PPP1R7: variants seen among roughly 807,000 people sequenced by gnomAD.
PPP1R7 encodes the protein protein phosphatase 1 regulatory subunit 7, also known as protein phosphatase 1 regulatory subunit 22.
A neutral mutation model predicts 45.2 loss-of-function variants in PPP1R7; 18 were observed. The ratio of observed to expected loss-of-function variants is 0.40; its 90% CI spans 0.28 to 0.59. The LOEUF is 0.59. PPP1R7 is among the 20% of genes least tolerant of loss of function. The pLI is 0.46. For synonymous variants in PPP1R7, 181 were observed against 183.4 expected, an observed-to-expected ratio of 0.99 and a Z score of 0.11; for missense variants, 314 against 455.8, an observed-to-expected ratio of 0.69 and a Z score of 2.83.
intron 8 of PPP1R7, among the ~76,000 whole-genome samples, chr2:241,168,364 A>C (rs112993682): frequency 0.017 from 2,530 of 152,074 alleles, 76 homozygotes; most frequent in African/African-American, 0.057. Flanking sequence ...GTTCCAGGCC[A>C]CTTTCATTTT....
chr2:241,167,196 T>G (rs958881141), intron 8 of PPP1R7: 1 of 934,692 alleles, frequency 1.1e-6, no homozygotes. Flanking sequence ...TTTTTCTGTT[T>G]TGTTAAATTG....
chr2:241,181,023 A>AC (rs1474179287), intron 9 of PPP1R7, among the ~76,000 whole-genome samples: 14 of 152,200 alleles, frequency 9.2e-5, no homozygotes, highest in Non-Finnish European at 1.6e-4. Flanking sequence ...ACGTGGTGAA[A>AC]CCCCATCTCT....
intron 9 of PPP1R7, among the ~76,000 whole-genome samples, chr2:241,171,753 C>T (rs2067820875): frequency 6.6e-6 from 1 of 152,122 alleles, no homozygotes; most frequent in African/African-American, 2.4e-5. Flanking sequence ...TTGAGGAATT[C>T]TTGATGAATT....
At chr2:241,182,572 T>G (rs545994491) in intron 9 of PPP1R7, 75 bp from the exon 10 acceptor site, 830 of 1,550,906 alleles carry the variant, frequency 5.4e-4, no homozygotes, top group Non-Finnish European at 6.9e-4. Context: ...AGGAGGAGGG[T>G]GGCTAGTGGA....
intron 9 of PPP1R7, among the ~76,000 whole-genome samples, chr2:241,179,117 A>G (rs181737403): frequency 2.0e-5 from 3 of 152,288 alleles, no homozygotes; most frequent in Admixed American, 1.3e-4. Flanking sequence ...CCAAAAACCA[A>G]AAGAGTCTGC....
rs1052328510 is a variant in PPP1R7 at position 241,159,081 on chromosome 2, C to T, written c.304-132C>T. 5.1e-6 allele frequency: 6 copies of T among 1,175,264 alleles called. No individual in the cohort carries two copies. In the Admixed American group the frequency reaches 1.1e-4, roughly 21 times the overall value. The allele number at this position is 1,175,264 out of a possible 1,614,324, so 72.8% of individuals were successfully genotyped here. ...CTGCCTCTCAAAGGTCAGCACCTTT[C>T]TAGGAAACAGCAGGAGAATGAAGAC... On this transcript the variant is annotated intron_variant, in intron 4 of 9. Transcript: ENST00000234038.
rs2068045310 is a variant in PPP1R7 at position 241,183,471 on chromosome 2, G to C, written c.*648G>C. On this transcript the variant is annotated 3_prime_UTR_variant, in exon 10 of 10. Transcript: ENST00000234038. ...TCCCTTGCCTGTGGGTGAAAGCTCAGGTGTGGGGAGGGTGTCCTGTGTCCC... is the reference window on the plus strand; with the variant it reads ...TCCCTTGCCTGTGGGTGAAAGCTCACGTGTGGGGAGGGTGTCCTGTGTCCC... The C allele has an allele frequency of 6.4e-6, 3 of 471,128 alleles. No homozygotes were observed. Among genetic ancestry groups the C allele is most frequent in the Non-Finnish European group, 1.3e-5 (3 of 227,052 alleles). 29.2% of individuals were successfully genotyped at this position (471,128 alleles called of 1,614,324 possible). A position where few individuals can be genotyped will look rare whatever the true frequency, so the allele number is the denominator to read the frequency against.
chr2:241,169,650 C>G, intron 8 of PPP1R7, 131 bp from the exon 9 acceptor site: 2 of 718,090 alleles, frequency 2.8e-6, no homozygotes, highest in Non-Finnish European at 2.4e-6. Flanking sequence ...CATAGCATGC[C>G]CTTACCCTGT....
intron 2 of PPP1R7, among the ~76,000 whole-genome samples, chr2:241,157,508 A>G (rs1447871925): frequency 6.6e-6 from 1 of 152,222 alleles, no homozygotes; most frequent in Non-Finnish European, 1.5e-5. Context: ...CCTTCCCACT[A>G]ACAGGTTCAA....
At chr2:241,162,256 G>T (rs1385261666) in intron 6 of PPP1R7, among the ~76,000 whole-genome samples, 3 of 152,202 alleles carry the variant, frequency 2.0e-5, no homozygotes, top group Admixed American at 6.5e-5. Flanking sequence ...TCCTGCAGTG[G>T]TGTGTGGATT....
chr2:241,170,013 T>G, intron 9 of PPP1R7, 146 bp downstream of exon 9: 2 of 632,546 alleles, frequency 3.2e-6, no homozygotes, highest in South Asian at 3.7e-5. Flanking sequence ...TGGGCGCTCT[T>G]GTAGACTTGT....
chr2:241,160,516 T>A (rs2067561370), intron 6 of PPP1R7, 22 bp downstream of exon 6: 1 of 1,560,380 alleles, frequency 6.4e-7, no homozygotes, highest in Non-Finnish European at 8.6e-7. Flanking sequence ...CAGCCCTGAC[T>A]AGTATATTCA....
intron 9 of PPP1R7, among the ~76,000 whole-genome samples, chr2:241,177,415 TAAAAAA>T (rs35336750): frequency 6.9e-6 from 1 of 145,470 alleles, no homozygotes; most frequent in Non-Finnish European, 1.5e-5. Context: ...GACTCCACCT[TAAAAAA>T]AAAAAAATCA....
In PPP1R7 at chr2:241,182,703, G is replaced by C. The variant is rs755070501; in HGVS notation, c.963G>C (p.Arg321Ser). Residue 321 changes from arginine to serine, a missense_variant, in exon 10 of 10, where the codon AGG becomes AGC. Physicochemically the swap from Arg to Ser is moderately radical, Grantham distance 110 (BLOSUM62 -1). Around this residue, in one of 3 missense-constraint regions of PPP1R7, gnomAD observed 168 missense variants for 285.3 expected, o/e 0.59. Coordinates refer to ENST00000234038, the MANE Select transcript of PPP1R7 (RefSeq NM_002712.3). The part of the protein sequence containing the change: ...WSDLDELKGA[R>S]SLETVYLERN... ...ACCTCGACGAGCTGAAGGGAGCCAG[G>C]AGCCTGGAGACAGTGTACCTGGAGC... 1 of 1,614,192 alleles carries C rather than the reference G, an allele frequency of 6.2e-7. No homozygotes were observed. Among genetic ancestry groups the C allele is most frequent in the Admixed American group, 1.7e-5 (1 of 60,018 alleles).
At position 241,150,513 on chromosome 2, in the gene PPP1R7, C is replaced by G; in HGVS notation, c.18C>G (p.Gly6=). The change falls in exon 1 of 10, where the codon GGC becomes GGG. Residue 6 remains glycine (G), a synonymous_variant. Transcript: ENST00000234038. MAAER[G]AGQQQSQEMM... The stretch of plus-strand genomic sequence containing the variant: ...CAGCCAACATGGCGGCGGAACGCGG[C>G]GCGGGGCAGCAACAGTCGCAGGAGA... 3 of 1,597,590 alleles carry G rather than the reference C, an allele frequency of 1.9e-6. No homozygotes were observed. The highest frequency in any genetic ancestry group is 2.6e-6 in the Non-Finnish European group (3 of 1,173,392).
At chr2:241,165,584 GT>G in intron 7 of PPP1R7, among the ~76,000 whole-genome samples, 1 of 152,150 alleles carries the variant, frequency 6.6e-6, no homozygotes, top group South Asian at 2.1e-4. Flanking sequence ...ATTCTAGCAT[GT>G]TTTTTGTTTG....
At chr2:241,168,198 G>C (rs1460135015) in intron 8 of PPP1R7, among the ~76,000 whole-genome samples, 1 of 152,192 alleles carries the variant, frequency 6.6e-6, no homozygotes, top group Non-Finnish European at 1.5e-5. Context: ...ACATTGTCCA[G>C]CTCCTGTAGA....
intron 9 of PPP1R7, among the ~76,000 whole-genome samples, chr2:241,175,265 CA>C (rs1267043565): frequency 6.6e-6 from 1 of 152,208 alleles, no homozygotes; most frequent in Non-Finnish European, 1.5e-5. Context: ...GCACAGCCAT[CA>C]CCACCGTCCA....
At chr2:241,161,134 C>T (rs1199527880) in intron 6 of PPP1R7, among the ~76,000 whole-genome samples, 11 of 129,798 alleles carry the variant, frequency 8.5e-5, no homozygotes, top group Non-Finnish European at 1.1e-4. Flanking sequence ...ATGTACATAC[C>T]GGGGCTTTAG....
Sources: gnomAD v4.1 joint callset for allele counts (sites outside exome capture counted in the v4.1 genomes callset) on GRCh38, gnomAD v4.1.1 for gene constraint, gnomAD v4.1.1 regional missense constraint, MANE v1.5 for transcripts, NCBI Gene and HGNC (gene_info 2026-07-23, HGNC 2026-07-21) for gene names.